Variants in METTL3 observed in about 807,000 individuals in gnomAD.
METTL3 encodes methyltransferase 3, N6-adenosine-methyltransferase complex catalytic subunit, also known as N(6)-adenosine-methyltransferase catalytic subunit METTL3.
Under a neutral mutation model 64.3 loss-of-function variants are expected in METTL3, and 42 were observed. That is an observed-to-expected ratio of 0.65 (90% CI 0.51 to 0.84). The LOEUF is 0.84. Ranked by LOEUF, METTL3 falls within the 40% of genes least tolerant of loss-of-function variation. METTL3 has a pLI of 0.00. For missense variants in METTL3, 435 were observed against 722.3 expected, an observed-to-expected ratio of 0.60 and a Z score of 4.56; for synonymous variants, 256 against 263.6, an observed-to-expected ratio of 0.97 and a Z score of 0.28.
intron 5 of METTL3, 57 bp from the exon 6 acceptor site, chr14:21,500,739 G>C (rs1891544608): frequency 2.6e-6 from 4 of 1,538,656 alleles, no homozygotes; most frequent in Non-Finnish European, 3.5e-6. Context: ...TTCATGGCCC[G>C]AGTCCCTCTT....
rs1350647115 is a variant in METTL3 at position 21,503,780 on chromosome 14, C to G, written c.202G>C (p.Ala68Pro). 1 of 1,614,254 alleles carries G rather than the reference C, an allele frequency of 6.2e-7. No individual in the cohort carries two copies. Among genetic ancestry groups the G allele is most frequent in the Non-Finnish European group, 8.5e-7 (1 of 1,180,048 alleles). ...SGGPKPSTAS[A>P]VPELATDPEL... ...GGATCTGTAGCTAATTCAGGAACTG[C>G]TGAAGCTGTGCTGGGCTTAGGGCCA... The change falls in exon 2 of 11, where the codon GCA (alanine) becomes CCA (proline). Residue 68 changes from alanine to proline, a missense_variant. Ala to Pro is a conservative substitution (Grantham distance 27). Transcript: ENST00000298717.
At chr14:21,504,341 G>A (rs1172929992) in intron 1 of METTL3, 1 of 169,522 alleles carries the variant, frequency 5.9e-6, no homozygotes, top group East Asian at 1.6e-4. Flanking sequence ...GGGGCCAACA[G>A]TGTTACCTAT....
Position 21,500,910 on chromosome 14 carries a change from T to C in METTL3, c.1116+3A>G. On this transcript the variant is annotated splice_donor_region_variant and intron_variant, in intron 5 of 10. Transcript: ENST00000298717. ...GAGACGAGTTTTCTGAGCAGACAGG[T>C]ACCTGAGGTGGGAAGAGTCGGTCTG... The C allele has an allele frequency of 6.2e-7, 1 of 1,612,548 alleles. No individual in the cohort carries two copies.
chr14:21,501,275 G>T (rs756602809), intron 4 of METTL3, 146 bp from the exon 5 acceptor site: 2 of 643,212 alleles, frequency 3.1e-6, no homozygotes, highest in Non-Finnish European at 5.3e-6. Flanking sequence ...AGGGAGGCAG[G>T]TAGCATGGAA....
At chr14:21,504,300 G>A (rs1317181031) in intron 1 of METTL3, 1 of 180,946 alleles carries the variant, frequency 5.5e-6, no homozygotes, top group Admixed American at 5.5e-5. Flanking sequence ...TCAGGCCACT[G>A]ATCAACAAAG....
At chr14:21,508,706 C>G (rs1891757435) in intron 1 of METTL3, among the ~76,000 whole-genome samples, 1 of 151,788 alleles carries the variant, frequency 6.6e-6, no homozygotes, top group Admixed American at 6.6e-5. Context: ...ACCAGCCTGA[C>G]CAACATGGAG....
rs143817102 is a variant in METTL3, at chr14:21,511,135, G to T, written c.89C>A (p.Ser30Ter). ...ERLQRRRKQD[S>*]GHLDLRNPEA... Reference sequence around the variant, plus strand: ...GCCCAGTGCCTCACCCAAGTGCCCCGAGTCCTGCTTCCGCCTCCGCTGCAG... The same window carrying T: ...GCCCAGTGCCTCACCCAAGTGCCCCTAGTCCTGCTTCCGCCTCCGCTGCAG... The change falls in exon 1 of 11, where the codon TCG becomes TAG. Residue 30 changes from serine to a stop codon, truncating the protein, a stop_gained. Transcript: ENST00000298717. LOFTEE classifies it high-confidence loss of function. 1.2e-6 allele frequency: 2 copies of T among 1,613,966 alleles called. No individual in the cohort carries two copies. Among genetic ancestry groups the T allele is most frequent in the Admixed American group, 3.3e-5 (2 of 59,982 alleles).
At chr14:21,500,807 A>G (rs1254570951) in intron 5 of METTL3, 106 bp downstream of exon 5, 113 of 1,416,608 alleles carry the variant, frequency 8.0e-5, no homozygotes, top group Non-Finnish European at 1.1e-4. Flanking sequence ...CATTCCCAAT[A>G]AGCAAGACAA....
At chr14:21,509,768 C>CGGGGA (rs1891784830) in intron 1 of METTL3, among the ~76,000 whole-genome samples, 1 of 151,774 alleles carries the variant, frequency 6.6e-6, no homozygotes, top group Non-Finnish European at 1.5e-5. Context: ...AACAGGAAAC[C>CGGGGA]AAAGAATAGG....
chr14:21,501,519 T>A (rs1013499327), intron 4 of METTL3: 38 of 545,734 alleles, frequency 7.0e-5, no homozygotes, highest in Non-Finnish European at 7.8e-5. Flanking sequence ...AGGGAGCTTT[T>A]AAAAAAAAAA....
intron 3 of METTL3, 141 bp downstream of exon 3, chr14:21,503,032 T>G: frequency 2.2e-6 from 2 of 917,812 alleles, no homozygotes; most frequent in East Asian, 2.4e-5. Context: ...CATTACCAGA[T>G]CCCCTGGGAG....
intron 1 of METTL3, among the ~76,000 whole-genome samples, chr14:21,505,435 A>G (rs1891674204): frequency 6.6e-6 from 1 of 152,174 alleles, no homozygotes; most frequent in Non-Finnish European, 1.5e-5. Flanking sequence ...ATATCTGGTG[A>G]TGTAATTCTG....
intron 4 of METTL3, 185 bp downstream of exon 4, chr14:21,501,543 G>A (rs1224073226): frequency 4.2e-6 from 3 of 721,538 alleles, no homozygotes; most frequent in Admixed American, 6.1e-5. Flanking sequence ...CAGTTATTTG[G>A]GAGTACAGCC....
At chr14:21,502,971 A>T in intron 3 of METTL3, 1 of 596,536 alleles carries the variant, frequency 1.7e-6, no homozygotes, top group Non-Finnish European at 2.9e-6. Context: ...CTCTACCCCC[A>T]CTAGATGCCA....
At position 21,501,733 on chromosome 14, in the gene METTL3, G is replaced by A. The variant is rs1368770926; in HGVS notation, c.894C>T (p.His298=). 1 of 1,614,138 alleles carries A rather than the reference G, an allele frequency of 6.2e-7. No homozygotes were observed. The highest frequency in any genetic ancestry group is 1.1e-5 in the South Asian group (1 of 91,084). The change falls in exon 4 of 11, where the codon CAC becomes CAT. Residue 298 remains histidine, a synonymous_variant. Coordinates refer to ENST00000298717, the MANE Select transcript of METTL3 (RefSeq NM_019852.5). The part of the protein sequence containing the change: ...SDADRPCRKL[H]FRRIINKHTD... ...CTCATTCCCTTCCAAGAGACCTGAA[G>A]TGCAGCTTGCGACAGGGTCGATCAG...
rs566693764 is a variant in METTL3, at chr14:21,502,706, A to G, written c.723+467T>C. 5.6e-5 allele frequency: 9 copies of G among 160,374 alleles called. No homozygotes were observed. The South Asian group carries it at 1.6e-3, about 28-fold the overall frequency. The allele number at this position is 160,374 out of a possible 1,614,324, so 9.9% of individuals were successfully genotyped here. A position where few individuals can be genotyped will look rare whatever the true frequency, so the allele number is the denominator to read the frequency against. Reference sequence around the variant, plus strand: ...ACAGATAAGAACTCATGTCAGGCCAATGCTTATACTCAGAACCAATTCACA... The same window carrying G: ...ACAGATAAGAACTCATGTCAGGCCAGTGCTTATACTCAGAACCAATTCACA... On this transcript the variant is annotated intron_variant, in intron 3 of 10. Coordinates refer to ENST00000298717, the MANE Select transcript of METTL3 (RefSeq NM_019852.5).
chr14:21,498,985 A>G (rs1189324967), intron 10 of METTL3, 40 bp downstream of exon 10: 7 of 1,364,948 alleles, frequency 5.1e-6, no homozygotes, highest in African/African-American at 4.3e-5. Flanking sequence ...ATCATAAATA[A>G]TAGCCCCTTG....
chr14:21,502,893 A>T, intron 3 of METTL3: 1 of 349,380 alleles, frequency 2.9e-6, no homozygotes, highest in Non-Finnish European at 5.2e-6. Context: ...ACACTTTGGG[A>T]CAGACAACTG....
chr14:21,505,683 A>T (rs908189420), intron 1 of METTL3, among the ~76,000 whole-genome samples: 1 of 152,230 alleles, frequency 6.6e-6, no homozygotes, highest in Non-Finnish European at 1.5e-5. Context: ...AAGTTTTATC[A>T]TCCCTAAAAC....
Sources: allele counts gnomAD v4.1 joint callset (sites outside exome capture counted in the v4.1 genomes callset), GRCh38; gene constraint gnomAD v4.1.1; transcripts MANE v1.5; gene names NCBI Gene and HGNC (gene_info 2026-07-23, HGNC 2026-07-21).